NLGN1: variants seen among roughly 807,000 people sequenced by gnomAD.
The protein encoded by NLGN1 is neuroligin-1.
NLGN1 carries 12 observed loss-of-function variants against 65.5 expected under a neutral mutation model. The ratio of observed to expected loss-of-function variants is 0.18; its 90% CI spans 0.12 to 0.30. The LOEUF is 0.30. Among genes scored for constraint, NLGN1 ranks in the 10% least tolerant of loss-of-function variants. The pLI is 1.00. For synonymous variants in NLGN1, 350 were observed against 359.5 expected (o/e 0.97, Z 0.30); for missense variants, 750 against 1,007.1 (o/e 0.74, Z 3.46).
At position 174,049,421 on chromosome 3, in the gene NLGN1, C is replaced by A. The variant is rs116875810; in HGVS notation, c.647-225894C>A. On this transcript the variant is annotated intron_variant, in intron 4 of 6. Transcript: ENST00000457714. ...TAGGACAAAGGAGAAAAGGGTTGAG[C>A]AGGGATAAGCTGGGATGGGAGTTCT... Among the ~76,000 whole-genome samples the A allele has an allele frequency of 6.3e-3, 960 of 152,060 alleles. 23 individuals are homozygous for A. Among genetic ancestry groups the A allele is most frequent in the East Asian group, 0.039 (199 of 5,154 alleles).
chr3:174,156,093 G>C (rs1725382317), intron 4 of NLGN1, among the ~76,000 whole-genome samples: 1 of 151,888 alleles, frequency 6.6e-6, no homozygotes, highest in Admixed American at 6.6e-5. Context: ...AAAGAGCAGT[G>C]GTACAGGTCT....
intron 3 of NLGN1, among the ~76,000 whole-genome samples, 189 bp from the exon 4 acceptor site, chr3:173,807,491 A>G (rs1266957058): frequency 6.6e-5 from 10 of 152,184 alleles, no homozygotes; most frequent in Admixed American, 5.9e-4. Flanking sequence ...ATAGAAAACA[A>G]TGGATGCCTA....
intron 2 of NLGN1, among the ~76,000 whole-genome samples, chr3:173,562,831 T>C (rs1217213467): frequency 6.6e-6 from 1 of 152,186 alleles, no homozygotes; most frequent in Non-Finnish European, 1.5e-5. Context: ...TTTTTCAAAG[T>C]CATGTCTGTA....
chr3:174,078,945 G>A (rs1333019052), intron 4 of NLGN1, among the ~76,000 whole-genome samples: 1 of 152,034 alleles, frequency 6.6e-6, no homozygotes, highest in African/African-American at 2.4e-5. Flanking sequence ...TTCTATAAAT[G>A]AAGATTATAT....
intron 4 of NLGN1, among the ~76,000 whole-genome samples, chr3:174,163,117 T>G (rs2152723272): frequency 6.6e-6 from 1 of 152,104 alleles, no homozygotes; most frequent in East Asian, 1.9e-4. Context: ...TATATTAAGG[T>G]TATTATTAAC....
Position 174,143,154 on chromosome 3 carries a change from T to G in NLGN1, c.647-132161T>G, listed in dbSNP as rs534005146. 5.8e-4 allele frequency among the ~76,000 whole-genome samples: 88 copies of G among 152,132 alleles called. 1 individual carries two copies. The highest frequency in any genetic ancestry group is 8.5e-4 in the Admixed American group (13 of 15,276). ...CAATCACCTCCCACCAGGCCCCACC[T>G]CCAATACTGGGAATCACAATCCCAG... On this transcript the variant is annotated intron_variant, in intron 4 of 6. Coordinates refer to ENST00000457714, the Ensembl canonical transcript of NLGN1.
intron 4 of NLGN1, among the ~76,000 whole-genome samples, chr3:174,027,464 C>A (rs1251919983): frequency 1.3e-5 from 2 of 152,142 alleles, no homozygotes; most frequent in Non-Finnish European, 1.5e-5. Context: ...CATAAATACA[C>A]AGGTCCACAA....
intron 4 of NLGN1, among the ~76,000 whole-genome samples, chr3:174,007,046 T>C (rs759148144): frequency 1.3e-5 from 2 of 152,018 alleles, no homozygotes; most frequent in African/African-American, 2.4e-5. Context: ...GCAGCCAGTG[T>C]GACAGACCAA....
chr3:174,008,073 A>G (rs1203414673), intron 4 of NLGN1, among the ~76,000 whole-genome samples: 1 of 152,078 alleles, frequency 6.6e-6, no homozygotes, highest in Non-Finnish European at 1.5e-5. Context: ...CTCTGTATCC[A>G]TTAGCTTTTG....
At chr3:173,788,038 A>G (rs939109369) in intron 3 of NLGN1, among the ~76,000 whole-genome samples, 2 of 152,030 alleles carry the variant, frequency 1.3e-5, no homozygotes, top group African/African-American at 4.8e-5. Context: ...CATAAAAAAT[A>G]TTGGCTTTTT....
At chr3:174,153,416 T>C (rs570944855) in intron 4 of NLGN1, among the ~76,000 whole-genome samples, 25 of 152,124 alleles carry the variant, frequency 1.6e-4, no homozygotes, top group Non-Finnish European at 2.9e-4. Context: ...CCTATAGGTA[T>C]AGACAGATGT....
At chr3:173,931,233 A>T (rs1438046305) in intron 4 of NLGN1, among the ~76,000 whole-genome samples, 2 of 152,170 alleles carry the variant, frequency 1.3e-5, no homozygotes, top group African/African-American at 2.4e-5. Flanking sequence ...GAGAGGCTCC[A>T]CCTTCATGGA....
chr3:173,756,178 G>A (rs1036261381), intron 3 of NLGN1, among the ~76,000 whole-genome samples: 2 of 151,640 alleles, frequency 1.3e-5, no homozygotes, highest in Non-Finnish European at 2.9e-5. Flanking sequence ...ATAAGATAAA[G>A]CAAATAAGCA....
chr3:173,664,786 G>A (rs1036829981), intron 3 of NLGN1, among the ~76,000 whole-genome samples: 11 of 152,050 alleles, frequency 7.2e-5, no homozygotes, highest in African/African-American at 2.4e-4. Flanking sequence ...GTGAGTAGAA[G>A]CTCTGAGTTT....
intron 4 of NLGN1, among the ~76,000 whole-genome samples, chr3:174,066,336 C>T (rs957151767): frequency 1.3e-5 from 2 of 151,456 alleles, no homozygotes; most frequent in Admixed American, 1.3e-4. Context: ...AAATTATCTG[C>T]CTCAAAGGAA....
intron 4 of NLGN1, among the ~76,000 whole-genome samples, chr3:173,868,270 C>T (rs1425537843): frequency 1.3e-5 from 2 of 151,954 alleles, no homozygotes; most frequent in African/African-American, 4.8e-5. Flanking sequence ...AATTGGATGA[C>T]CAAGATGTTA....
intron 4 of NLGN1, among the ~76,000 whole-genome samples, chr3:174,220,980 G>T (rs1363357406): frequency 2.0e-5 from 3 of 152,106 alleles, no homozygotes; most frequent in Non-Finnish European, 4.4e-5. Context: ...GAAAAAATAG[G>T]ATTTATCAGG....
intron 2 of NLGN1, among the ~76,000 whole-genome samples, chr3:173,564,429 A>T (rs763392492): frequency 6.6e-6 from 1 of 152,258 alleles, no homozygotes; most frequent in Non-Finnish European, 1.5e-5. Context: ...GTAAAACATT[A>T]TGAGTCCTCA....
chr3:173,658,162 C>G (rs1760365775), intron 3 of NLGN1, among the ~76,000 whole-genome samples: 1 of 151,872 alleles, frequency 6.6e-6, no homozygotes, highest in African/African-American at 2.4e-5. Flanking sequence ...TACTATAAGT[C>G]CAAGGCACCC....
Sources: allele counts gnomAD v4.1 joint callset (sites outside exome capture counted in the v4.1 genomes callset), GRCh38; gene constraint gnomAD v4.1.1; transcripts MANE v1.5; gene names NCBI Gene and HGNC (gene_info 2026-07-23, HGNC 2026-07-21).